TENM1: variants seen among roughly 807,000 people sequenced by gnomAD.
TENM1 encodes teneurin-1.
TENM1 carries 35 observed loss-of-function variants against 174.8 expected under a neutral mutation model. That is an observed-to-expected ratio of 0.20 (90% confidence interval 0.15 to 0.27). TENM1 has a LOEUF of 0.27. TENM1 is among the 10% of genes least tolerant of loss of function. TENM1 has a pLI of 1.00. For synonymous variants in TENM1, 781 were observed against 798.7 expected (o/e 0.98, Z 0.37); for missense variants, 1,633 against 2,130.1 (o/e 0.77, Z 4.59).
intron 1 of TENM1, among the ~76,000 whole-genome samples, chrX:124,958,092 C>T (rs893508624): frequency 6.3e-5 from 7 of 111,469 alleles, no homozygotes; most frequent in Non-Finnish European, 1.1e-4. Flanking sequence ...TTCAACCTGC[C>T]AAAAGTCATA....
chrX:125,040,219 C>A, the TENM1 span, among the ~76,000 whole-genome samples: 1 of 111,042 alleles, frequency 9.0e-6, no homozygotes, highest in African/African-American at 3.3e-5. Context: ...CCTCAGGGCA[C>A]CTCCCTTGCA....
At chrX:125,013,268 T>C in the TENM1 span, among the ~76,000 whole-genome samples, 5 of 111,902 alleles carry the variant, frequency 4.5e-5, no homozygotes, top group Non-Finnish European at 9.4e-5. Flanking sequence ...GGATGGGCAA[T>C]CATACATGAA....
At chrX:124,707,821 T>C (rs1288028781) in intron 4 of TENM1, among the ~76,000 whole-genome samples, 1 of 112,154 alleles carries the variant, frequency 8.9e-6, no homozygotes, top group Non-Finnish European at 1.9e-5. Flanking sequence ...CCCTTTGCAA[T>C]AAATGTCCAT....
intron 12 of TENM1, among the ~76,000 whole-genome samples, chrX:124,564,738 A>T (rs1207343120): frequency 8.9e-6 from 1 of 112,112 alleles, no homozygotes; most frequent in African/African-American, 3.2e-5. Flanking sequence ...TGAAGATCAC[A>T]TGATAAATTA....
At chrX:124,458,308 TTC>T (rs2061132569) in intron 22 of TENM1, among the ~76,000 whole-genome samples, 1 of 111,900 alleles carries the variant, frequency 8.9e-6, no homozygotes, top group African/African-American at 3.2e-5. Context: ...CTGTTAAGTT[TTC>T]TCACTATGTA....
chrX:124,785,399 A>G (rs1263980165), intron 3 of TENM1, among the ~76,000 whole-genome samples: 2 of 111,679 alleles, frequency 1.8e-5, no homozygotes, highest in Non-Finnish European at 3.8e-5. Flanking sequence ...TAAGTATCTG[A>G]TGCTGGGCCA....
At chrX:125,021,600 T>C in the TENM1 span, among the ~76,000 whole-genome samples, 3 of 111,536 alleles carry the variant, frequency 2.7e-5, no homozygotes, top group Non-Finnish European at 3.8e-5. Context: ...TTTTTTTCTG[T>C]GAAGAGCCAC....
chrX:125,098,250 C>T, the TENM1 span, among the ~76,000 whole-genome samples: 95 of 111,531 alleles, frequency 8.5e-4, no homozygotes, highest in African/African-American at 3.0e-3. Flanking sequence ...GGCGACAGAG[C>T]AAGACTCCAT....
At chrX:124,748,367 T>TTA (rs1357360157) in intron 3 of TENM1, among the ~76,000 whole-genome samples, 99 of 107,890 alleles carry the variant, frequency 9.2e-4, no homozygotes, top group East Asian at 2.0e-3. Context: ...GAGAGAGAGA[T>TTA]TATATATATA....
intron 3 of TENM1, among the ~76,000 whole-genome samples, chrX:124,747,517 G>A (rs958955146): frequency 2.9e-5 from 3 of 104,711 alleles, no homozygotes; most frequent in Non-Finnish European, 5.9e-5. Flanking sequence ...AAGTAATTGC[G>A]GTTTTGCCAT....
chrX:125,043,359 G>A, the TENM1 span, among the ~76,000 whole-genome samples: 4 of 60,554 alleles, frequency 6.6e-5, no homozygotes, highest in African/African-American at 2.6e-4. Flanking sequence ...CGAAGGACAT[G>A]AACAGACACT....
chrX:124,679,629 C>CA (rs1334687209), intron 5 of TENM1, among the ~76,000 whole-genome samples: 1 of 112,150 alleles, frequency 8.9e-6, no homozygotes, highest in Non-Finnish European at 1.9e-5. Context: ...CATTAAACAT[C>CA]AAATTGGCAT....
the TENM1 span, among the ~76,000 whole-genome samples, chrX:125,019,523 G>A: frequency 9.0e-6 from 1 of 111,010 alleles, no homozygotes; most frequent in African/African-American, 3.3e-5. Flanking sequence ...ATATTAAAGA[G>A]TCTTACTTTA....
At chrX:125,174,956 G>A in the TENM1 span, among the ~76,000 whole-genome samples, 1 of 111,364 alleles carries the variant, frequency 9.0e-6, no homozygotes, top group East Asian at 2.8e-4. Flanking sequence ...AAGTTATTGT[G>A]GAAATTAAAT....
intron 15 of TENM1, among the ~76,000 whole-genome samples, chrX:124,546,597 T>C (rs995362019): frequency 4.5e-5 from 5 of 112,073 alleles, no homozygotes; most frequent in African/African-American, 3.2e-5. Flanking sequence ...AACAATAAAT[T>C]TGCAAATTAT....
At chrX:124,588,233 C>T (rs1255039247) in intron 11 of TENM1, among the ~76,000 whole-genome samples, 1 of 111,255 alleles carries the variant, frequency 9.0e-6, no homozygotes, top group Non-Finnish European at 1.9e-5. Flanking sequence ...TATAAAGACA[C>T]ATGCACACGT....
At chrX:125,029,357 T>C in the TENM1 span, among the ~76,000 whole-genome samples, 1 of 112,015 alleles carries the variant, frequency 8.9e-6, no homozygotes, top group Non-Finnish European at 1.9e-5. Context: ...CTGTATTACA[T>C]CAACTCTTTC....
At chrX:124,784,207 G>C (rs1233141684) in intron 3 of TENM1, among the ~76,000 whole-genome samples, 1 of 111,629 alleles carries the variant, frequency 9.0e-6, no homozygotes, top group Non-Finnish European at 1.9e-5. Flanking sequence ...ATTCTCAAGA[G>C]AAAAGACAAC....
Position 124,665,782 on chromosome X carries a change from G to A in TENM1, c.1168+5901C>T, listed in dbSNP as rs765199519. On this transcript the variant is annotated intron_variant, in intron 6 of 31. Coordinates refer to ENST00000422452, the Ensembl canonical transcript of TENM1. ...GAGGGCAAATAAAGCAAAGAGGAAG[G>A]GAACGGGAGTTTTGCCAGGAATCTG... Among the ~76,000 whole-genome samples, 6 of 112,293 alleles carry A rather than the reference G, an allele frequency of 5.3e-5. No homozygotes were observed. In the South Asian group the frequency reaches 1.5e-3, roughly 28 times the overall value.
Sources: gnomAD v4.1 joint callset for allele counts (sites outside exome capture counted in the v4.1 genomes callset) on GRCh38, gnomAD v4.1.1 for gene constraint, MANE v1.5 for transcripts, NCBI Gene and HGNC (gene_info 2026-07-23, HGNC 2026-07-21) for gene names.